The following FAM81A variants were observed in gnomAD, a reference collection of about 807,000 sequenced individuals.
FAM81A encodes family with sequence similarity 81 member A, also known as protein FAM81A.
In FAM81A, 19 loss-of-function variants were observed where a neutral mutation model predicts 46.7. The ratio of observed to expected loss-of-function variants is 0.41; its 90% CI spans 0.28 to 0.60. The LOEUF is 0.60. FAM81A is among the 20% of genes least tolerant of loss of function. The pLI is 0.34. For missense variants in FAM81A, 377 were observed against 453.5 expected, an observed-to-expected ratio of 0.83 and a Z score of 1.53; for synonymous variants, 183 against 152.9, an observed-to-expected ratio of 1.20 and a Z score of -1.45.
chr15:59,470,881 G>A (rs1217905270), intron 3 of FAM81A, among the ~76,000 whole-genome samples: 5 of 152,024 alleles, frequency 3.3e-5, no homozygotes, highest in African/African-American at 9.7e-5. Flanking sequence ...ATAGTGCAGT[G>A]GCTCTATTAC....
chr15:59,454,102 C>G (rs1354061818), intron 1 of FAM81A, among the ~76,000 whole-genome samples: 1 of 152,220 alleles, frequency 6.6e-6, no homozygotes, highest in Non-Finnish European at 1.5e-5. Flanking sequence ...TCTTTCCAGA[C>G]AAACCTTCCA....
chr15:59,437,057 G>A (rs1275274841), upstream of FAM81A, among the ~76,000 whole-genome samples: 2 of 152,184 alleles, frequency 1.3e-5, no homozygotes, highest in African/African-American at 4.8e-5. Context: ...CTTTGTGGAA[G>A]TTATTAGCCC....
intron 8 of FAM81A, among the ~76,000 whole-genome samples, chr15:59,518,246 G>A (rs1304675211): frequency 6.6e-6 from 1 of 151,430 alleles, no homozygotes; most frequent in Non-Finnish European, 1.5e-5. Context: ...CTGAAGTGCT[G>A]GGATTACAGG....
At chr15:59,426,736 G>A (rs2081196612) in intron 2 of FAM81A, among the ~76,000 whole-genome samples, 1 of 152,176 alleles carries the variant, frequency 6.6e-6, no homozygotes, top group Admixed American at 6.5e-5. Context: ...TACTAAGGAA[G>A]GTGAGGATTT....
At chr15:59,463,756 T>A (rs111729985) in intron 3 of FAM81A, among the ~76,000 whole-genome samples, 2 of 7,664 alleles carry the variant, frequency 2.6e-4, no homozygotes, top group Admixed American at 4.0e-3. Flanking sequence ...GCCATCTTAA[T>A]TACTGTGTCT....
chr15:59,521,440 C>T lies in FAM81A; in HGVS notation c.*62C>T, dbSNP rs575348275. The T allele has an allele frequency of 7.5e-5, 114 of 1,521,870 alleles. No homozygotes were observed. The highest frequency in any genetic ancestry group is 8.4e-5 in the Non-Finnish European group (95 of 1,131,896). The allele number at this position is 1,521,870 out of a possible 1,614,324, so 94.3% of individuals were successfully genotyped here. On this transcript the variant is annotated 3_prime_UTR_variant, in exon 9 of 9. Transcript: ENST00000288228. ...CAGTGGGGCTAGGAGCCGGATACCT[C>T]TGTAGCCAGGCCATCGCTGCATTCA...
At chr15:59,518,201 C>T (rs2082287557) in intron 8 of FAM81A, among the ~76,000 whole-genome samples, 1 of 151,332 alleles carries the variant, frequency 6.6e-6, no homozygotes, top group East Asian at 1.9e-4. Flanking sequence ...TAGTCTTGAA[C>T]CCCCAACCTC....
chr15:59,433,917 G>C (rs1357986887), upstream of FAM81A, among the ~76,000 whole-genome samples: 1 of 152,128 alleles, frequency 6.6e-6, no homozygotes, highest in African/African-American at 2.4e-5. Flanking sequence ...GTACAGTGGC[G>C]CGATCTAGGC....
intron 6 of FAM81A, among the ~76,000 whole-genome samples, chr15:59,512,078 A>G (rs568362373): frequency 1.7e-4 from 26 of 152,366 alleles, no homozygotes; most frequent in Non-Finnish European, 8.8e-5. Context: ...AAATGAATTC[A>G]CTACAGCTAT....
intron 1 of FAM81A, among the ~76,000 whole-genome samples, chr15:59,448,568 T>C (rs2081376982): frequency 6.7e-6 from 1 of 149,136 alleles, no homozygotes; most frequent in South Asian, 2.1e-4. Context: ...TAAAGCATAC[T>C]ATAAATCCAC....
At chr15:59,512,284 C>T (rs1304171279) in intron 6 of FAM81A, among the ~76,000 whole-genome samples, 1 of 151,750 alleles carries the variant, frequency 6.6e-6, no homozygotes, top group African/African-American at 2.4e-5. Context: ...ACTAGCCTGG[C>T]CAACATGGTG....
Position 59,450,271 on chromosome 15 carries a change from A to G in FAM81A, c.-77-8279A>G, listed in dbSNP as rs535768604. 7.9e-5 allele frequency among the ~76,000 whole-genome samples: 12 copies of G among 152,100 alleles called. No individual in the cohort carries two copies. In the Middle Eastern group the frequency reaches 0.01, roughly 129 times the overall value. Reference sequence around the variant, plus strand: ...TCAATACTATTTGTTCTTTCATTGCATGAATATATCATAGTTTATTCTTCC... The same window carrying G: ...TCAATACTATTTGTTCTTTCATTGCGTGAATATATCATAGTTTATTCTTCC... On this transcript the variant is annotated intron_variant, in intron 1 of 8. Coordinates refer to ENST00000288228, the MANE Select transcript of FAM81A (RefSeq NM_152450.3).
chr15:59,522,697 A>G lies in FAM81A; in HGVS notation c.*1319A>G, dbSNP rs1186671115. 2 of 152,626 alleles carry G rather than the reference A, an allele frequency of 1.3e-5. No individual in the cohort carries two copies. Among genetic ancestry groups the G allele is most frequent in the Admixed American group, 6.5e-5 (1 of 15,280 alleles). The allele number at this position is 152,626 out of a possible 1,614,324, so 9.5% of individuals were successfully genotyped here. On this transcript the variant is annotated 3_prime_UTR_variant, in exon 9 of 9. Coordinates refer to ENST00000288228, the MANE Select transcript of FAM81A (RefSeq NM_152450.3). ...TCCCAGGAAAAAGAAAAACAGGAAT[A>G]CTTTAACAATTAAAAAGAAAAAAAT...
At chr15:59,488,185 A>G (rs2081941936) in intron 3 of FAM81A, among the ~76,000 whole-genome samples, 1 of 152,342 alleles carries the variant, frequency 6.6e-6, no homozygotes, top group Admixed American at 6.5e-5. Flanking sequence ...GATCATATCA[A>G]CCGATGCTGA....
At chr15:59,479,696 C>T (rs555914996) in intron 3 of FAM81A, among the ~76,000 whole-genome samples, 71 of 151,630 alleles carry the variant, frequency 4.7e-4, no homozygotes, top group African/African-American at 1.7e-3. Flanking sequence ...TAGGAAGAGG[C>T]GTGGCACGTT....
At chr15:59,484,831 T>A (rs557363385) in intron 3 of FAM81A, among the ~76,000 whole-genome samples, 3 of 152,258 alleles carry the variant, frequency 2.0e-5, no homozygotes, top group Non-Finnish European at 2.9e-5. Flanking sequence ...GGTCCCTGAC[T>A]CCAGGCCTTG....
chr15:59,462,346 A>G (rs1169795165), intron 3 of FAM81A, among the ~76,000 whole-genome samples: 1 of 152,100 alleles, frequency 6.6e-6, no homozygotes, highest in African/African-American at 2.4e-5. Flanking sequence ...TAGTCATTCT[A>G]ATGGATGTGT....
intron 4 of FAM81A, among the ~76,000 whole-genome samples, chr15:59,505,951 A>G (rs1387243371): frequency 1.2e-4 from 19 of 152,150 alleles, no homozygotes; most frequent in African/African-American, 4.3e-4. Context: ...TCCAGGCAAA[A>G]TGAATCTCCC....
intron 2 of FAM81A, among the ~76,000 whole-genome samples, chr15:59,419,672 G>A (rs1433557318): frequency 1.3e-5 from 2 of 152,098 alleles, no homozygotes; most frequent in African/African-American, 2.4e-5. Flanking sequence ...TCAGGAGTTC[G>A]AGACCAGCCT....
Sources: gnomAD v4.1 joint callset for allele counts (sites outside exome capture counted in the v4.1 genomes callset) on GRCh38, gnomAD v4.1.1 for gene constraint, MANE v1.5 for transcripts, NCBI Gene and HGNC (gene_info 2026-07-23, HGNC 2026-07-21) for gene names.